Variants in USP36 observed in about 807,000 individuals in gnomAD.
USP36 encodes the protein ubiquitin carboxyl-terminal hydrolase 36.
In USP36, 59 loss-of-function variants were observed where a neutral mutation model predicts 111.5. That is an observed-to-expected ratio of 0.53 (90% CI 0.43 to 0.66). The LOEUF (loss-of-function observed/expected upper bound fraction) is 0.66. Ranked by LOEUF, USP36 falls within the 30% of genes least tolerant of loss-of-function variation. USP36 has a pLI of 0.00. For missense variants in USP36, 1,488 were observed against 1,468.0 expected, an observed-to-expected ratio of 1.01 and a Z score of -0.22; for synonymous variants, 628 against 581.0, an observed-to-expected ratio of 1.08 and a Z score of -1.16.
chr17:78,801,675 T>C (rs1165596835), intron 17 of USP36, among the ~76,000 whole-genome samples: 1 of 152,206 alleles, frequency 6.6e-6, no homozygotes, highest in Non-Finnish European at 1.5e-5. Flanking sequence ...AACCGTGCTA[T>C]GTTCTGAATG....
intron 5 of USP36, among the ~76,000 whole-genome samples, chr17:78,828,030 C>T (rs1378094219): frequency 6.6e-6 from 1 of 152,164 alleles, no homozygotes; most frequent in African/African-American, 2.4e-5. Flanking sequence ...TGGAGACCAG[C>T]CTGGGCAACA....
rs990884802 is a variant in USP36, at chr17:78,836,810, CACACACACAAACGG to C, written c.-9-452_-9-439del. 2.2e-3 allele frequency among the ~76,000 whole-genome samples: 312 copies of C among 144,166 alleles called. 4 individuals carry two copies. The highest frequency in any genetic ancestry group is 6.4e-4 in the Non-Finnish European group (43 of 67,416). The allele number at this position is 144,166 out of a possible 152,430, so 94.6% of individuals were successfully genotyped here. A position where few individuals can be genotyped will look rare whatever the true frequency, so the allele number is the denominator to read the frequency against. The stretch of plus-strand genomic sequence containing the variant: ...TTATACACACACGGACACACACACA[CACACACACAAACGG>C]ACACACACACACACACCCACGCAAT... On this transcript the variant is annotated intron_variant, in intron 2 of 20. Transcript: ENST00000449938.
At position 78,806,930 on chromosome 17, in the gene USP36, C is replaced by T. The variant is rs199764785; in HGVS notation, c.2085+29G>A. The T allele has an allele frequency of 1.4e-4, 224 of 1,607,896 alleles. 3 individuals are homozygous for T. The South Asian group carries it at 2.3e-3, about 17-fold the overall frequency. On this transcript the variant is annotated intron_variant, in intron 14 of 20. Transcript: ENST00000449938. Reference sequence around the variant, plus strand: ...CAACTCTTGGAGCTCTCCTGATACACAGCAGCGGCGAGACCCCCACACACC... The same window carrying T: ...CAACTCTTGGAGCTCTCCTGATACATAGCAGCGGCGAGACCCCCACACACC...
chr17:78,807,972 G>A (rs925332644), intron 13 of USP36, among the ~76,000 whole-genome samples: 1 of 152,112 alleles, frequency 6.6e-6, no homozygotes, highest in African/African-American at 2.4e-5. Context: ...CAGAAGTGTT[G>A]GGATTACAGG....
chr17:78,827,151 G>T, intron 6 of USP36, 94 bp downstream of exon 6: 1 of 1,401,930 alleles, frequency 7.1e-7, no homozygotes, highest in Non-Finnish European at 9.8e-7. Flanking sequence ...TGGGTAGAAA[G>T]GTGCCGGGCT....
At chr17:78,809,298 T>A (rs1015703942) in intron 13 of USP36, among the ~76,000 whole-genome samples, 5 of 152,236 alleles carry the variant, frequency 3.3e-5, no homozygotes, top group African/African-American at 1.2e-4. Context: ...AGGTTAAGAA[T>A]TTACCTCTAT....
At chr17:78,789,780 T>C (rs2093567180) in intron 3 of USP36, among the ~76,000 whole-genome samples, 1 of 152,228 alleles carries the variant, frequency 6.6e-6, no homozygotes, top group Non-Finnish European at 1.5e-5. Context: ...ATAGAGGAGC[T>C]AGTGCTCTAG....
intron 13 of USP36, among the ~76,000 whole-genome samples, chr17:78,809,523 G>C (rs770356293): frequency 2.6e-5 from 4 of 152,140 alleles, no homozygotes; most frequent in Non-Finnish European, 5.9e-5. Flanking sequence ...CTCATGGTCA[G>C]TGAAGCGCCC....
intron 4 of USP36, 141 bp from the exon 5 acceptor site, chr17:78,829,148 A>C: frequency 1.5e-6 from 1 of 650,678 alleles, no homozygotes; most frequent in Non-Finnish European, 2.6e-6. Flanking sequence ...GCTGAGCCAG[A>C]GATCCCAGAC....
rs762265490 is a variant in USP36, at chr17:78,807,219, C to T, written c.1825G>A (p.Gly609Ser). 16 of 1,613,960 alleles carry T rather than the reference C, an allele frequency of 9.9e-6. No homozygotes were observed. The highest frequency in any genetic ancestry group is 4.4e-5 in the South Asian group (4 of 91,072). ...NDESAGLDRR[G>S]SSSSSPEHSA... ...TGCTCTGGGCTGGAGCTGCTGGAGC[C>T]CCTCCTGTCGAGGCCAGCGCTCTCG... is the stretch of plus-strand genomic sequence containing the variant. The change falls in exon 14 of 21, where the codon GGC becomes AGC. Residue 609 changes from glycine to serine, a missense_variant. Gly to Ser is a moderately conservative substitution (Grantham distance 56, BLOSUM62 0). Transcript: ENST00000449938.
In USP36 at chr17:78,797,835, TC is replaced by T; in HGVS notation, c.*64del. 1 of 154,590 alleles carries T rather than the reference TC, an allele frequency of 6.5e-6. No homozygotes were observed. The highest frequency in any genetic ancestry group is 1.4e-5 in the Non-Finnish European group (1 of 69,554). 9.6% of individuals were successfully genotyped at this position (154,590 alleles called of 1,614,324 possible). A position where few individuals can be genotyped will look rare whatever the true frequency, so the allele number is the denominator to read the frequency against. On this transcript the variant is annotated 3_prime_UTR_variant, in exon 21 of 21. Transcript: ENST00000449938. ...AGCCCACACAGAGAGCTCCCTCAGA[TC>T]CAGACCGACAGCTCCCGGGAAGGGA...
At position 78,807,125 on chromosome 17, in the gene USP36, G is replaced by A. The variant is rs775411653; in HGVS notation, c.1919C>T (p.Ser640Phe). Residue 640 changes from serine to phenylalanine, a missense_variant, in exon 14 of 21, where the codon TCT (serine) becomes TTT (phenylalanine). Around this residue, in one of 3 missense-constraint regions of USP36, gnomAD observed 1,073 missense variants for 994.1 expected, o/e 1.08. Coordinates refer to ENST00000449938, the MANE Select transcript of USP36 (RefSeq NM_001385174.1). ...AGCGGTGGAACAGTTCGTTTCCTGA[G>A]AATCGCAGAGATGGGCCGCTCCACT... Reference protein sequence around the residue: ...PRSGAAHLCDSQETNCSTAGH... With the variant: ...PRSGAAHLCDFQETNCSTAGH... 6.2e-7 allele frequency: 1 copy of A among 1,614,252 alleles called. No homozygotes were observed. Among genetic ancestry groups the A allele is most frequent in the East Asian group, 2.2e-5 (1 of 44,876 alleles).
intron 2 of USP36, among the ~76,000 whole-genome samples, chr17:78,838,346 T>A (rs2068876214): frequency 7.6e-6 from 1 of 131,086 alleles, no homozygotes. Flanking sequence ...CACTCCAGCC[T>A]GGGCAACAGA....
At chr17:78,791,132 T>C (rs1425588756), downstream of USP36, among the ~76,000 whole-genome samples, 2 of 108,106 alleles carry the variant, frequency 1.9e-5, no homozygotes, top group Non-Finnish European at 2.2e-5. Flanking sequence ...TGGCCTTCTT[T>C]TTTTTTTTTT....
At chr17:78,795,135 G>A (rs867596), downstream of USP36, among the ~76,000 whole-genome samples, 71,028 of 151,718 alleles carry the variant, frequency 0.47, 17,374 homozygotes, top group Non-Finnish European at 0.54. This position sits in a 1 kb window ranked among gnomAD's most constrained non-coding sequence, Gnocchi z 4.5. Context: ...AGGCTACAAC[G>A]CAAATGCCTT....
In USP36 at chr17:78,836,190, G is replaced by T; in HGVS notation, c.174C>A (p.Ser58Arg). Residue 58 changes from serine (S) to arginine (R), a missense_variant, in exon 3 of 21, where the codon AGC becomes AGA. Transcript: ENST00000449938. ...SFSYQLEALKSKYVLLNPKTE... is the reference protein window; with the variant it reads ...SFSYQLEALKRKYVLLNPKTE... ...TTTTGGGGTTGAGCAACACATATTT[G>T]CTCTTTAAGGCCTCCAGCTGGTAGG... The T allele has an allele frequency of 6.2e-7, 1 of 1,614,104 alleles. No individual in the cohort carries two copies. Among genetic ancestry groups the T allele is most frequent in the Admixed American group, 1.7e-5 (1 of 60,000 alleles).
intron 6 of USP36, among the ~76,000 whole-genome samples, chr17:78,825,600 G>C (rs1167571299): frequency 6.6e-6 from 1 of 152,118 alleles, no homozygotes; most frequent in African/African-American, 2.4e-5. Context: ...CCGCAGACCT[G>C]CATTCCTCCC....
At chr17:78,827,802 A>G (rs7216626) in intron 5 of USP36, among the ~76,000 whole-genome samples, 8,639 of 152,290 alleles carry the variant, frequency 0.057, 779 homozygotes, top group African/African-American at 0.19. Context: ...CCAGCTACTT[A>G]GGTGGCTGAG....
intron 4 of USP36, among the ~76,000 whole-genome samples, chr17:78,831,385 G>T (rs976097561): frequency 9.8e-4 from 149 of 152,028 alleles, no homozygotes; most frequent in African/African-American, 3.3e-3. Flanking sequence ...GGGTGAGGCG[G>T]GTGGAACACG....
Sources: gnomAD v4.1 joint callset for allele counts (sites outside exome capture counted in the v4.1 genomes callset) on GRCh38, gnomAD v4.1.1 for gene constraint, gnomAD v4.1.1 regional missense constraint, Gnocchi (gnomAD v3.1) non-coding constraint, MANE v1.5 for transcripts, NCBI Gene and HGNC (gene_info 2026-07-23, HGNC 2026-07-21) for gene names.